Variants in RTKN2 observed in about 807,000 individuals in gnomAD.
RTKN2 encodes rhotekin 2, also known as rhotekin-2.
RTKN2 carries 69 observed loss-of-function variants against 71.5 expected under a neutral mutation model. The observed-to-expected ratio is 0.96, with a 90% CI of 0.79 to 1.18. The LOEUF (loss-of-function observed/expected upper bound fraction) is 1.18. RTKN2 is among the 50% of genes most tolerant of loss of function. The probability of loss-of-function intolerance (pLI) is 0.00; values close to 1 mark genes in which losing one functional copy is unlikely to be tolerated. For synonymous variants in RTKN2, 236 were observed against 236.5 expected, an observed-to-expected ratio of 1.00 and a Z score of 0.02; for missense variants, 724 against 719.7, an observed-to-expected ratio of 1.01 and a Z score of -0.07.
Position 62,218,302 on chromosome 10 carries a change from C to T in RTKN2, c.782-1G>A. The T allele has an allele frequency of 6.4e-7, 1 of 1,552,858 alleles. No homozygotes were observed. The highest frequency in any genetic ancestry group is 8.7e-7 in the Non-Finnish European group (1 of 1,144,066). On this transcript the variant is annotated splice_acceptor_variant, in intron 7 of 11. Transcript: ENST00000373789. LOFTEE classifies it high-confidence loss of function. ...AGGGGAAGCCAAAATGAAGACTCCT[C>T]TATTTAAAGGAGAAAGAAAAAAAAA...
Position 62,197,151 on chromosome 10 carries a change from C to T in RTKN2, c.*757G>A. ...ATCAGCTACTCACTTCCCTAAATTCCAAAGTCACAATGGAAATTAGCACCA... is the reference window on the plus strand; with the variant it reads ...ATCAGCTACTCACTTCCCTAAATTCTAAAGTCACAATGGAAATTAGCACCA... On this transcript the variant is annotated 3_prime_UTR_variant, in exon 12 of 12. Transcript: ENST00000373789. The T allele has an allele frequency of 4.1e-6, 4 of 985,294 alleles. No individual in the cohort carries two copies. Among genetic ancestry groups the T allele is most frequent in the Non-Finnish European group, 4.8e-6 (4 of 829,782 alleles). The allele number at this position is 985,294 out of a possible 1,614,324, so 61.0% of individuals were successfully genotyped here.
At chr10:62,189,442 T>A (rs2132760598), downstream of RTKN2, among the ~76,000 whole-genome samples, 1 of 152,336 alleles carries the variant, frequency 6.6e-6, no homozygotes, top group East Asian at 1.9e-4. Flanking sequence ...CTGTATTCTT[T>A]CAATCTTGAT....
At chr10:62,251,806 A>C (rs936414715) in intron 2 of RTKN2, among the ~76,000 whole-genome samples, 4 of 152,148 alleles carry the variant, frequency 2.6e-5, no homozygotes, top group Non-Finnish European at 5.9e-5. Context: ...ATGAGAGGAA[A>C]GAACAAGGAG....
At chr10:62,257,241 TAAG>T (rs1842692268) in intron 2 of RTKN2, among the ~76,000 whole-genome samples, 1 of 152,194 alleles carries the variant, frequency 6.6e-6, no homozygotes, top group African/African-American at 2.4e-5. Flanking sequence ...ATTTCACTGA[TAAG>T]AAGAATCAGA....
At chr10:62,225,135 T>C (rs539953284) in intron 6 of RTKN2, among the ~76,000 whole-genome samples, 1 of 152,332 alleles carries the variant, frequency 6.6e-6, no homozygotes, top group East Asian at 1.9e-4. Flanking sequence ...CTAGCAGCTC[T>C]AACCTGCATC....
intron 6 of RTKN2, among the ~76,000 whole-genome samples, chr10:62,225,202 T>C (rs976155725): frequency 2.0e-5 from 3 of 152,210 alleles, no homozygotes; most frequent in African/African-American, 7.2e-5. Flanking sequence ...ACAAAATAAT[T>C]TATTGTTTGT....
Position 62,194,335 on chromosome 10 carries a change from T to G in RTKN2, c.*3573A>C. On this transcript the variant is annotated 3_prime_UTR_variant, in exon 12 of 12. Transcript: ENST00000373789. ...AATGAAGCAGTTGCACACAAACATG[T>G]AAACATATGTAAACATTTAAAAATA... 2.0e-6 allele frequency: 2 copies of G among 984,446 alleles called. No homozygotes were observed. Among genetic ancestry groups the G allele is most frequent in the African/African-American group, 3.5e-5 (2 of 57,354 alleles). 61.0% of individuals were successfully genotyped at this position (984,446 alleles called of 1,614,324 possible). A position where few individuals can be genotyped will look rare whatever the true frequency, so the allele number is the denominator to read the frequency against.
In RTKN2 at chr10:62,203,271, A is replaced by G. The variant is rs187032615; in HGVS notation, c.1186+1586T>C. On this transcript the variant is annotated intron_variant, in intron 10 of 11. Transcript: ENST00000373789. ...AGACAGAACATTTAGTAAAATGGTT[A>G]AAGTTTTAGCTATGATTAGCAAAAG... Among the ~76,000 whole-genome samples, 268 of 152,344 alleles carry G rather than the reference A, an allele frequency of 1.8e-3. 1 individual carries two copies. The highest frequency in any genetic ancestry group is 3.4e-3 in the Middle Eastern group (1 of 294).
chr10:62,239,828 C>T (rs1457731657), intron 4 of RTKN2, 63 bp from the exon 5 acceptor site: 2 of 807,332 alleles, frequency 2.5e-6, no homozygotes, highest in Non-Finnish European at 2.1e-6. Flanking sequence ...TTAAAATCTA[C>T]TTGAAAATAA....
At chr10:62,214,840 G>A (rs889556356) in intron 9 of RTKN2, among the ~76,000 whole-genome samples, 2 of 152,024 alleles carry the variant, frequency 1.3e-5, no homozygotes, top group African/African-American at 2.4e-5. Flanking sequence ...CTAGCAGTAC[G>A]CCTATGAGGA....
Position 62,198,367 on chromosome 10 carries a change from G to A in RTKN2, c.1371C>T (p.Phe457=), listed in dbSNP as rs267602545. Residue 457 remains phenylalanine (F), a synonymous_variant, in exon 12 of 12, where the codon TTC becomes TTT. Transcript: ENST00000373789. ...AGGATTCTTCATGCTGACCAATAAG[G>A]AACTGCCCATTTGTCTCTTCAATTT... The part of the protein sequence containing the change: ...QKKIEETNGQ[F]LIGQHEESLP... 6.2e-7 allele frequency: 1 copy of A among 1,607,700 alleles called. No individual in the cohort carries two copies. Among genetic ancestry groups the A allele is most frequent in the Non-Finnish European group, 8.5e-7 (1 of 1,178,202 alleles).
At chr10:62,209,872 G>A (rs1427228534) in intron 9 of RTKN2, among the ~76,000 whole-genome samples, 1 of 152,094 alleles carries the variant, frequency 6.6e-6, no homozygotes, top group Non-Finnish European at 1.5e-5. Flanking sequence ...CCACTGATGG[G>A]CATTTAGGTT....
At chr10:62,202,416 A>G (rs540256924) in intron 10 of RTKN2, among the ~76,000 whole-genome samples, 1 of 152,324 alleles carries the variant, frequency 6.6e-6, no homozygotes, top group South Asian at 2.1e-4. Context: ...TCTACATACC[A>G]TACTTCAACC....
At chr10:62,253,956 A>G (rs1438808023) in intron 2 of RTKN2, among the ~76,000 whole-genome samples, 1 of 152,166 alleles carries the variant, frequency 6.6e-6, no homozygotes, top group Non-Finnish European at 1.5e-5. Context: ...AGTGGAAAAA[A>G]AAGTCAGAAT....
At chr10:62,268,296 C>G (rs1196612311) in intron 1 of RTKN2, among the ~76,000 whole-genome samples, 3 of 152,238 alleles carry the variant, frequency 2.0e-5, no homozygotes, top group Non-Finnish European at 4.4e-5. Flanking sequence ...ACAGGTGCGC[C>G]CGCAAACGCG....
At position 62,236,146 on chromosome 10, in the gene RTKN2, A is replaced by G; in HGVS notation, c.606T>C (p.Ser202=). The G allele has an allele frequency of 3.1e-6, 5 of 1,612,456 alleles. 1 individual carries two copies. In the South Asian group the frequency reaches 5.5e-5, roughly 18 times the overall value. ...KLAKKLKTSI[S]KATGKKISSV... is the part of the protein sequence containing the mutation. ...AACTTATTTTCTTTCCTGTAGCTTT[A>G]CTTATAGATGTCTTGAGTTTCTTAG... The change falls in exon 6 of 12, where the codon AGT becomes AGC. Residue 202 remains serine (S), a synonymous_variant. Coordinates refer to ENST00000373789, the MANE Select transcript of RTKN2 (RefSeq NM_145307.4).
At chr10:62,232,311 CTTTCT>C (rs1331268401) in intron 6 of RTKN2, among the ~76,000 whole-genome samples, 47 of 118,904 alleles carry the variant, frequency 4.0e-4, no homozygotes, top group African/African-American at 6.2e-4. Context: ...TAATTTCTTT[CTTTCT>C]TTTTTTTTTT....
At chr10:62,250,446 C>T (rs1842559838) in intron 2 of RTKN2, among the ~76,000 whole-genome samples, 1 of 152,186 alleles carries the variant, frequency 6.6e-6, no homozygotes, top group South Asian at 2.1e-4. Context: ...CAAAAGACAT[C>T]ATTTATTAAG....
chr10:62,190,092 C>G (rs1043136954), downstream of RTKN2, among the ~76,000 whole-genome samples: 4 of 152,028 alleles, frequency 2.6e-5, no homozygotes, highest in Non-Finnish European at 5.9e-5. Context: ...TTCCTTCAAC[C>G]CAGGGCCAAG....
Sources: gnomAD v4.1 joint callset for allele counts (sites outside exome capture counted in the v4.1 genomes callset) on GRCh38, gnomAD v4.1.1 for gene constraint, MANE v1.5 for transcripts, NCBI Gene and HGNC (gene_info 2026-07-23, HGNC 2026-07-21) for gene names.